Variants in CREBL2 observed in about 807,000 individuals in gnomAD.
CREBL2 encodes cAMP responsive element binding protein like 2.
In CREBL2, 4 loss-of-function variants were observed where a neutral mutation model predicts 19.5. The ratio of observed to expected loss-of-function variants is 0.20; its 90% CI spans 0.10 to 0.47. The LOEUF is 0.47. Among genes scored for constraint, CREBL2 ranks in the 20% least tolerant of loss-of-function variants. CREBL2 has a pLI of 0.98. For missense variants in CREBL2, 85 were observed against 145.1 expected (o/e 0.59, Z 2.13); for synonymous variants, 42 against 46.6 (o/e 0.90, Z 0.40).
Position 12,635,934 on chromosome 12 carries a change from G to A in CREBL2, c.173G>A (p.Arg58Gln). Residue 58 changes from arginine to glutamine, a missense_variant, in exon 2 of 4, where the codon CGA (arginine) becomes CAA (glutamine). Arg to Gln is a conservative substitution (Grantham distance 43, BLOSUM62 1). Around this residue, in one of 5 missense-constraint regions of CREBL2, gnomAD observed 22 missense variants for 46.7 expected, o/e 0.47. Transcript: ENST00000228865. Reference protein sequence around the residue: ...YQYLEELVSSRERAICALREE... With the variant: ...YQYLEELVSSQERAICALREE... ...TATTTGGAAGAGTTGGTATCCAGTCGAGAAAGAGCTATATGTGCCCTCAGA... is the reference window on the plus strand; with the variant it reads ...TATTTGGAAGAGTTGGTATCCAGTCAAGAAAGAGCTATATGTGCCCTCAGA... 3 of 1,614,110 alleles carry A rather than the reference G, an allele frequency of 1.9e-6. No homozygotes were observed. Among genetic ancestry groups the A allele is most frequent in the Non-Finnish European group, 1.7e-6 (2 of 1,180,016 alleles).
chr12:12,617,976 G>A (rs988506435), intron 1 of CREBL2, among the ~76,000 whole-genome samples: 10 of 152,102 alleles, frequency 6.6e-5, no homozygotes, highest in East Asian at 1.9e-4. Flanking sequence ...CAGAGAGCAC[G>A]GGGTTGGGGG....
intron 1 of CREBL2, 65 bp downstream of exon 1, chr12:12,612,252 C>T: frequency 6.2e-7 from 1 of 1,612,066 alleles, no homozygotes; most frequent in African/African-American, 1.3e-5. Context: ...CGCGGCTGAA[C>T]CTCCGCTATG....
At chr12:12,614,836 AG>A (rs1388314142) in intron 1 of CREBL2, 2 of 328,902 alleles carry the variant, frequency 6.1e-6, no homozygotes, top group Non-Finnish European at 1.2e-5. Flanking sequence ...GTTTTGCCAT[AG>A]TAAGATTTGT....
At chr12:12,621,373 C>T (rs1945358315) in intron 1 of CREBL2, among the ~76,000 whole-genome samples, 2 of 152,056 alleles carry the variant, frequency 1.3e-5, no homozygotes, top group Admixed American at 6.6e-5. Context: ...ACAAAATTAG[C>T]TGGGCATGGT....
At chr12:12,614,812 T>C (rs1267539643) in intron 1 of CREBL2, 2 of 384,378 alleles carry the variant, frequency 5.2e-6, no homozygotes, top group Non-Finnish European at 1.0e-5. Context: ...TGGGTAACAT[T>C]GTAGACTCTT....
chr12:12,623,067 C>T (rs1331525367), intron 1 of CREBL2, among the ~76,000 whole-genome samples: 1 of 150,024 alleles, frequency 6.7e-6, no homozygotes, highest in Non-Finnish European at 1.5e-5. Context: ...GATTTTACAT[C>T]CCTGAGAGGG....
Position 12,644,012 on chromosome 12 carries a change from G to A in CREBL2, c.*2014G>A, listed in dbSNP as rs1045672427. The A allele has an allele frequency of 6.6e-6, 1 of 152,498 alleles. No homozygotes were observed. Among genetic ancestry groups the A allele is most frequent in the Non-Finnish European group, 1.5e-5 (1 of 68,018 alleles). The allele number at this position is 152,498 out of a possible 1,614,324, so 9.4% of individuals were successfully genotyped here. ...AAACAAACATTCCAGAATGAATGTC[G>A]CTCTTCAATGGAACGTCTTTATTGT... On this transcript the variant is annotated 3_prime_UTR_variant, in exon 4 of 4. Coordinates refer to ENST00000228865, the MANE Select transcript of CREBL2 (RefSeq NM_001310.4).
chr12:12,614,725 A>G, intron 1 of CREBL2: 3 of 300,574 alleles, frequency 1.0e-5, no homozygotes, highest in South Asian at 8.9e-5. Flanking sequence ...AAGAGTACTT[A>G]ATATGCTCAA....
rs1455586707 is a variant in CREBL2 at position 12,642,231 on chromosome 12, C to T, written c.*233C>T. 6 of 370,974 alleles carry T rather than the reference C, an allele frequency of 1.6e-5. No homozygotes were observed. Among genetic ancestry groups the T allele is most frequent in the Non-Finnish European group, 2.9e-5 (6 of 206,134 alleles). 23.0% of individuals were successfully genotyped at this position (370,974 alleles called of 1,614,324 possible). A position where few individuals can be genotyped will look rare whatever the true frequency, so the allele number is the denominator to read the frequency against. Reference sequence around the variant, plus strand: ...AGACCTGTCTGGGTTGGTATTGCCACCCATGACATTTAACATGTTGTGATG... The same window carrying T: ...AGACCTGTCTGGGTTGGTATTGCCATCCATGACATTTAACATGTTGTGATG... On this transcript the variant is annotated 3_prime_UTR_variant, in exon 4 of 4. Coordinates refer to ENST00000228865, the MANE Select transcript of CREBL2 (RefSeq NM_001310.4).
intron 1 of CREBL2, among the ~76,000 whole-genome samples, chr12:12,614,094 A>G (rs1945289346): frequency 6.7e-6 from 1 of 148,780 alleles, no homozygotes; most frequent in African/African-American, 2.5e-5. Context: ...CTTGGGTTCA[A>G]GCAATTCTCC....
chr12:12,634,679 T>C (rs370974282), intron 1 of CREBL2, among the ~76,000 whole-genome samples: 39 of 152,336 alleles, frequency 2.6e-4, no homozygotes, highest in African/African-American at 9.1e-4. Context: ...CTTATAATGT[T>C]GAGATCATAA....
intron 1 of CREBL2, chr12:12,615,986 A>T (rs924692973): frequency 6.6e-6 from 1 of 152,208 alleles, no homozygotes; most frequent in Non-Finnish European, 1.5e-5. Flanking sequence ...TGGTAGCTTG[A>T]TCTTTCAGTG....
intron 3 of CREBL2, among the ~76,000 whole-genome samples, chr12:12,638,994 A>T (rs1324486818): frequency 6.6e-6 from 1 of 152,160 alleles, no homozygotes; most frequent in East Asian, 1.9e-4. Flanking sequence ...ACCCCTGGCA[A>T]CCATGAATCT....
At chr12:12,618,413 T>C (rs1945331290) in intron 1 of CREBL2, among the ~76,000 whole-genome samples, 1 of 149,080 alleles carries the variant, frequency 6.7e-6, no homozygotes, top group Admixed American at 6.7e-5. Context: ...GGGGCAGAGG[T>C]GCTCCTCACA....
intron 1 of CREBL2, among the ~76,000 whole-genome samples, chr12:12,618,257 G>C (rs567913510): frequency 0.012 from 1,823 of 151,078 alleles, 39 homozygotes; most frequent in African/African-American, 0.042. Context: ...GGGCGGAGAC[G>C]CTCCTCACTT....
At chr12:12,640,260 TG>T (rs1333607191) in intron 3 of CREBL2, among the ~76,000 whole-genome samples, 2 of 151,866 alleles carry the variant, frequency 1.3e-5, no homozygotes, top group African/African-American at 4.8e-5. Context: ...CCAGAGTGGC[TG>T]TTTATAGACC....
At chr12:12,631,405 A>G (rs1157747701) in intron 1 of CREBL2, among the ~76,000 whole-genome samples, 3 of 152,238 alleles carry the variant, frequency 2.0e-5, no homozygotes, top group South Asian at 2.1e-4. Context: ...TTAAATTTTC[A>G]CATGACTCTA....
chr12:12,623,443 G>T (rs1198049351), intron 1 of CREBL2, among the ~76,000 whole-genome samples: 1 of 152,228 alleles, frequency 6.6e-6, no homozygotes, highest in Non-Finnish European at 1.5e-5. Context: ...GTGGTGGTCA[G>T]TGAGAGCTTC....
intron 1 of CREBL2, among the ~76,000 whole-genome samples, chr12:12,621,523 C>CAAAAAAA (rs61201510): frequency 3.1e-5 from 2 of 64,862 alleles, no homozygotes. Flanking sequence ...CGTCTCAAAC[C>CAAAAAAA]AAAAAAAAAA....
Sources: gnomAD v4.1 joint callset for allele counts (sites outside exome capture counted in the v4.1 genomes callset) on GRCh38, gnomAD v4.1.1 for gene constraint, gnomAD v4.1.1 regional missense constraint, MANE v1.5 for transcripts, NCBI Gene and HGNC (gene_info 2026-07-23, HGNC 2026-07-21) for gene names.